Variants in CCDC102B observed in about 807,000 individuals in gnomAD.
CCDC102B encodes coiled-coil domain containing 102B, also known as coiled-coil domain-containing protein 102B.
In CCDC102B, 75 loss-of-function variants were observed where a neutral mutation model predicts 57.4. That is an observed-to-expected ratio of 1.31 (90% confidence interval 1.08 to 1.58). The LOEUF is 1.58. Among genes scored for constraint, CCDC102B ranks in the 40% most tolerant of loss-of-function variants. The pLI, the probability that CCDC102B is intolerant of heterozygous loss-of-function variation, is 0.00. For synonymous variants in CCDC102B, 206 were observed against 201.9 expected (o/e 1.02, Z -0.17); for missense variants, 636 against 582.6 (o/e 1.09, Z -0.94).
At chr18:68,805,211 G>T (rs1296410799) in intron 1 of CCDC102B, among the ~76,000 whole-genome samples, 1 of 152,174 alleles carries the variant, frequency 6.6e-6, no homozygotes, top group Non-Finnish European at 1.5e-5. Flanking sequence ...AGCTGAATAA[G>T]ATATGAAAAT....
intron 6 of CCDC102B, among the ~76,000 whole-genome samples, chr18:68,979,760 G>A (rs149318427): frequency 1.1e-4 from 17 of 152,106 alleles, no homozygotes; most frequent in Non-Finnish European, 2.1e-4. Context: ...GAAATGGATT[G>A]TGGTGGCCAC....
At chr18:68,943,174 T>A (rs928822425) in intron 6 of CCDC102B, among the ~76,000 whole-genome samples, 3 of 151,772 alleles carry the variant, frequency 2.0e-5, no homozygotes, top group Non-Finnish European at 4.4e-5. Context: ...AAATGGAGTC[T>A]CTTATGTCTA....
intron 2 of CCDC102B, among the ~76,000 whole-genome samples, chr18:68,787,532 C>G (rs2035258496): frequency 6.6e-6 from 1 of 151,438 alleles, no homozygotes; most frequent in Non-Finnish European, 1.5e-5. Flanking sequence ...TTCAGAGATT[C>G]AACTTCTTCC....
intron 1 of CCDC102B, chr18:68,716,500 A>G (rs1408742477): frequency 6.6e-6 from 1 of 152,210 alleles, no homozygotes; most frequent in Admixed American, 6.5e-5. Context: ...TGATGAAATA[A>G]CTGAATATTT....
chr18:68,880,444 C>T (rs1441811252), intron 5 of CCDC102B, among the ~76,000 whole-genome samples: 1 of 152,222 alleles, frequency 6.6e-6, no homozygotes, highest in African/African-American at 2.4e-5. Flanking sequence ...GGGGCTCCCA[C>T]AGTGCAGCGG....
chr18:68,952,268 C>T (rs1241351748), intron 6 of CCDC102B, among the ~76,000 whole-genome samples: 2 of 151,808 alleles, frequency 1.3e-5, no homozygotes, highest in Non-Finnish European at 2.9e-5. Context: ...GTATACCCCT[C>T]TTCAAAATGG....
rs796617955 is a variant in CCDC102B at position 68,878,641 on chromosome 18, G to A, written c.1053+3856G>A. Among the ~76,000 whole-genome samples the A allele has an allele frequency of 2.0e-5, 3 of 152,120 alleles. No individual in the cohort carries two copies. The South Asian group carries it at 6.2e-4, about 32-fold the overall frequency. ...GAAAGTGCTGTGTATGAACCAGAAAGCAGGTCCGCACCAGGTACAAAATCT... is the reference window on the plus strand; with the variant it reads ...GAAAGTGCTGTGTATGAACCAGAAAACAGGTCCGCACCAGGTACAAAATCT... On this transcript the variant is annotated intron_variant, in intron 5 of 7. Coordinates refer to ENST00000360242, the MANE Select transcript of CCDC102B (RefSeq NM_024781.3).
intron 7 of CCDC102B, among the ~76,000 whole-genome samples, chr18:69,033,623 C>T (rs2052207850): frequency 6.6e-6 from 1 of 152,022 alleles, no homozygotes; most frequent in African/African-American, 2.4e-5. Flanking sequence ...ATCAATGCTT[C>T]AGTCTTTGTA....
intron 1 of CCDC102B, among the ~76,000 whole-genome samples, chr18:68,716,011 C>G (rs1034857026): frequency 1.3e-5 from 2 of 152,192 alleles, no homozygotes; most frequent in African/African-American, 4.8e-5. Flanking sequence ...AAATTGCACT[C>G]TAATTGAGAG....
chr18:68,993,998 A>G (rs1334701702), intron 6 of CCDC102B, among the ~76,000 whole-genome samples: 4 of 152,122 alleles, frequency 2.6e-5, no homozygotes, highest in Non-Finnish European at 5.9e-5. Flanking sequence ...AGTTTAACTC[A>G]TTTATTTTTA....
intron 6 of CCDC102B, among the ~76,000 whole-genome samples, chr18:68,898,982 A>G (rs1388644938): frequency 6.6e-6 from 1 of 152,030 alleles, no homozygotes; most frequent in African/African-American, 2.4e-5. Context: ...GGTCTCTTTG[A>G]CAATGTAGTT....
intron 6 of CCDC102B, among the ~76,000 whole-genome samples, chr18:68,954,989 G>C (rs1039277286): frequency 6.6e-6 from 1 of 152,160 alleles, no homozygotes; most frequent in Admixed American, 6.5e-5. Flanking sequence ...ATCTATGGTT[G>C]TATCTTGCCA....
chr18:69,002,185 A>G (rs1599830634), intron 6 of CCDC102B, among the ~76,000 whole-genome samples: 1 of 152,210 alleles, frequency 6.6e-6, no homozygotes, highest in East Asian at 1.9e-4. Flanking sequence ...TATAGCAACA[A>G]TAGACTTGAA....
chr18:69,015,889 C>T (rs1470652551), intron 7 of CCDC102B, among the ~76,000 whole-genome samples: 1 of 152,100 alleles, frequency 6.6e-6, no homozygotes, highest in African/African-American at 2.4e-5. Flanking sequence ...GAGTCTCCCT[C>T]TGTCACCCAG....
chr18:68,805,695 G>A (rs1023175210), intron 1 of CCDC102B, among the ~76,000 whole-genome samples: 2 of 152,116 alleles, frequency 1.3e-5, no homozygotes, highest in Non-Finnish European at 1.5e-5. Context: ...GTATGGTAAT[G>A]GGATCTAGGT....
chr18:68,960,595 A>C (rs2050022061), intron 6 of CCDC102B, among the ~76,000 whole-genome samples: 1 of 152,150 alleles, frequency 6.6e-6, no homozygotes. Flanking sequence ...CAGGATTTGC[A>C]ATCCTTGTGG....
intron 6 of CCDC102B, among the ~76,000 whole-genome samples, chr18:68,899,440 T>C (rs2040359953): frequency 6.6e-6 from 1 of 152,030 alleles, no homozygotes; most frequent in Non-Finnish European, 1.5e-5. Flanking sequence ...TATATATATA[T>C]ATACACACAC....
intron 2 of CCDC102B, chr18:68,838,457 G>A: frequency 4.1e-6 from 4 of 985,028 alleles, no homozygotes; most frequent in Non-Finnish European, 4.8e-6. Flanking sequence ...TAGAAAAAGA[G>A]AACAAACAAG....
intron 6 of CCDC102B, among the ~76,000 whole-genome samples, chr18:68,902,715 C>T (rs1326901308): frequency 6.6e-6 from 1 of 152,158 alleles, no homozygotes; most frequent in Non-Finnish European, 1.5e-5. Flanking sequence ...TCTCTGGTCT[C>T]ATTTGTTGTC....
Sources: allele counts gnomAD v4.1 joint callset (sites outside exome capture counted in the v4.1 genomes callset), GRCh38; gene constraint gnomAD v4.1.1; transcripts MANE v1.5; gene names NCBI Gene and HGNC (gene_info 2026-07-23, HGNC 2026-07-21).